PCDHGA10: variants seen among roughly 807,000 people sequenced by gnomAD.
PCDHGA10 encodes protocadherin gamma-A10.
Under a neutral mutation model 59.5 loss-of-function variants are expected in PCDHGA10, and 42 were observed. The observed-to-expected ratio is 0.71, with a 90% CI of 0.55 to 0.91. The LOEUF is 0.91. Ranked by LOEUF, PCDHGA10 falls within the 40% of genes least tolerant of loss-of-function variation. The probability of loss-of-function intolerance (pLI) is 0.00; values close to 1 mark genes in which losing one functional copy is unlikely to be tolerated. For missense variants in PCDHGA10, 1,111 were observed against 1,198.2 expected, an observed-to-expected ratio of 0.93 and a Z score of 1.07; for synonymous variants, 511 against 517.2, an observed-to-expected ratio of 0.99 and a Z score of 0.16.
chr5:141,490,497 C>G lies in PCDHGA10; in HGVS notation c.2437-4310C>G. The stretch of plus-strand genomic sequence containing the variant: ...CTTTGGACCGGGAGGCCACATCCCA[C>G]TATATCATCGAGCTGCTGGCCAGCG... On this transcript the variant is annotated intron_variant, in intron 1 of 3. Transcript: ENST00000398610. The surrounding 1 kb of genome is among the most constrained non-coding windows in gnomAD (Gnocchi z 5.4). 6.2e-7 allele frequency: 1 copy of G among 1,614,196 alleles called. No individual in the cohort carries two copies. Among genetic ancestry groups the G allele is most frequent in the South Asian group, 1.1e-5 (1 of 91,084 alleles).
At chr5:141,416,115 A>G (rs2095995433) in intron 1 of PCDHGA10, 2 of 155,406 alleles carry the variant, frequency 1.3e-5, no homozygotes, top group East Asian at 1.9e-4. Context: ...TTCAAACTAC[A>G]TTTTATATAT....
At chr5:141,472,980 C>CAAAAAAA (rs60579131) in intron 1 of PCDHGA10, among the ~76,000 whole-genome samples, 1 of 86,102 alleles carries the variant, frequency 1.2e-5, no homozygotes, top group South Asian at 4.3e-4. Flanking sequence ...GAGTGAAACT[C>CAAAAAAA]AAAAAAAAAA....
At chr5:141,495,923 T>G (rs1337381299) in intron 2 of PCDHGA10, among the ~76,000 whole-genome samples, 4 of 152,306 alleles carry the variant, frequency 2.6e-5, no homozygotes, top group South Asian at 2.1e-4. Context: ...TTTCTTTGTC[T>G]CTGTCTCTGG....
chr5:141,465,697 T>C (rs1386528821), intron 1 of PCDHGA10, among the ~76,000 whole-genome samples: 2 of 152,200 alleles, frequency 1.3e-5, no homozygotes, highest in African/African-American at 4.8e-5. Context: ...TGCTTTTGCA[T>C]TGGTCAAATG....
At chr5:141,433,765 A>G (rs1389737053) in intron 1 of PCDHGA10, among the ~76,000 whole-genome samples, 1 of 148,692 alleles carries the variant, frequency 6.7e-6, no homozygotes, top group Non-Finnish European at 1.5e-5. Flanking sequence ...TTAACCTGGG[A>G]GGTGGAGGTT....
chr5:141,432,191 G>C lies in PCDHGA10; in HGVS notation c.2436+16580G>C. 2.5e-6 allele frequency: 4 copies of C among 1,614,110 alleles called. No individual in the cohort carries two copies. Among genetic ancestry groups the C allele is most frequent in the Non-Finnish European group, 3.4e-6 (4 of 1,180,026 alleles). On this transcript the variant is annotated intron_variant, in intron 1 of 3. Coordinates refer to ENST00000398610, the MANE Select transcript of PCDHGA10 (RefSeq NM_018913.3). The surrounding 1 kb of genome is among the most constrained non-coding windows in gnomAD (Gnocchi z 6.0). ...TTCCCTCGTCTCTGTGACCGCCCAC[G>C]ACCCCGACTGTGAAGAGAACGCCCA... is the stretch of plus-strand genomic sequence containing the variant.
intron 1 of PCDHGA10, among the ~76,000 whole-genome samples, chr5:141,450,313 T>G (rs2098676929): frequency 6.6e-6 from 1 of 152,172 alleles, no homozygotes; most frequent in Middle Eastern, 3.4e-3. Context: ...ATGTGTGGCC[T>G]AGTTGCCATG....
chr5:141,448,818 G>A (rs2098609016), intron 1 of PCDHGA10, among the ~76,000 whole-genome samples: 1 of 151,984 alleles, frequency 6.6e-6, no homozygotes, highest in Admixed American at 6.6e-5. Context: ...GATGGCGGGC[G>A]CCTGTAGTCC....
chr5:141,468,681 A>G (rs1415798588), intron 1 of PCDHGA10: 1 of 151,830 alleles, frequency 6.6e-6, no homozygotes, highest in African/African-American at 2.4e-5. Flanking sequence ...CCTGGCTAAC[A>G]CGGTGAAACC....
intron 2 of PCDHGA10, among the ~76,000 whole-genome samples, chr5:141,501,061 G>T (rs746369272): frequency 1.5e-4 from 23 of 152,118 alleles, no homozygotes; most frequent in Non-Finnish European, 2.1e-4. Flanking sequence ...TAGAGACGGG[G>T]TTTCACCATG....
At chr5:141,447,829 T>A (rs2098552664) in intron 1 of PCDHGA10, among the ~76,000 whole-genome samples, 1 of 152,214 alleles carries the variant, frequency 6.6e-6, no homozygotes. Context: ...CTCACGCCTG[T>A]AATCCCAGTG....
rs548074156 is a variant in PCDHGA10 at position 141,511,069 on chromosome 5, G to A, written c.2707G>A (p.Gly903Ser). The A allele has an allele frequency of 6.2e-7, 1 of 1,614,230 alleles. No individual in the cohort carries two copies. Among genetic ancestry groups the A allele is most frequent in the Non-Finnish European group, 8.5e-7 (1 of 1,180,034 alleles). ...CTACCGCCAGAATGTCTACATCCCA[G>A]GCAGCAATGCCACACTGACCAACGC... ...PDYRQNVYIP[G>S]SNATLTNAAG... The change falls in exon 4 of 4, where the codon GGC becomes AGC. Residue 903 changes from glycine (G) to serine (S), a missense_variant. Physicochemically the swap from Gly to Ser is moderately conservative, Grantham distance 56 (BLOSUM62 0). Transcript: ENST00000398610.
At chr5:141,464,422 TATAG>T (rs2099083887) in intron 1 of PCDHGA10, among the ~76,000 whole-genome samples, 1 of 151,672 alleles carries the variant, frequency 6.6e-6, no homozygotes, top group African/African-American at 2.4e-5. Context: ...TATCTATATA[TATAG>T]ATATATATGT....
Position 141,503,868 on chromosome 5 carries a change from G to A in PCDHGA10, c.2496-1525G>A, listed in dbSNP as rs928240898. Among the ~76,000 whole-genome samples, 24 of 152,202 alleles carry A rather than the reference G, an allele frequency of 1.6e-4. No individual in the cohort carries two copies. The South Asian group carries it at 4.1e-3, about 26-fold the overall frequency. ...TTGGAAAAATTGTAAAGCAGTTCTT[G>A]GTTGTGCTCACCCACCATGACAAAA... On this transcript the variant is annotated intron_variant, in intron 2 of 3. Coordinates refer to ENST00000398610, the MANE Select transcript of PCDHGA10 (RefSeq NM_018913.3).
At position 141,431,123 on chromosome 5, in the gene PCDHGA10, GAAGT is replaced by G. The variant is rs751548736; in HGVS notation, c.2436+15516_2436+15519del. The G allele has an allele frequency of 1.2e-6, 2 of 1,614,100 alleles. No individual in the cohort carries two copies. The highest frequency in any genetic ancestry group is 3.3e-5 in the Admixed American group (2 of 60,014). On this transcript the variant is annotated intron_variant, in intron 1 of 3. Transcript: ENST00000398610. This position sits in a 1 kb window ranked among gnomAD's most constrained non-coding sequence, Gnocchi z 4.8. ...AGTGAAAATATATGGAGTAGAAGTA[GAAGT>G]AAGGGACATTAACGACAATGCGCCT... is the stretch of plus-strand genomic sequence containing the variant.
intron 3 of PCDHGA10, among the ~76,000 whole-genome samples, chr5:141,509,745 T>C (rs1456852988): frequency 6.6e-6 from 1 of 152,186 alleles, no homozygotes; most frequent in East Asian, 1.9e-4. Context: ...TCTGAGCCTG[T>C]GCCTAAAGTG....
intron 1 of PCDHGA10, chr5:141,419,727 C>G (rs1344063538): frequency 6.2e-7 from 1 of 1,613,582 alleles, no homozygotes; most frequent in Admixed American, 1.7e-5. Flanking sequence ...GGGCTGCGAA[C>G]AGGCGAGGTG....
intron 1 of PCDHGA10, chr5:141,478,142 G>A: frequency 3.7e-6 from 6 of 1,613,988 alleles, no homozygotes; most frequent in Non-Finnish European, 4.2e-6. Flanking sequence ...AGCCCGAGCC[G>A]AGTTCCCCTC....
chr5:141,489,253 A>T lies in PCDHGA10; in HGVS notation c.2437-5554A>T. 1 of 1,547,506 alleles carries T rather than the reference A, an allele frequency of 6.5e-7. No individual in the cohort carries two copies. The highest frequency in any genetic ancestry group is 2.3e-5 in the East Asian group (1 of 44,418). ...GGACTTCTGGGTCATGGGGCCCAAG[A>T]CACTCCCACAGCTCGCTGGGAAATG... On this transcript the variant is annotated intron_variant, in intron 1 of 3. Coordinates refer to ENST00000398610, the MANE Select transcript of PCDHGA10 (RefSeq NM_018913.3). This position sits in a 1 kb window ranked among gnomAD's most constrained non-coding sequence, Gnocchi z 4.5.
Sources: allele counts gnomAD v4.1 joint callset (sites outside exome capture counted in the v4.1 genomes callset), GRCh38; gene constraint gnomAD v4.1.1; non-coding constraint Gnocchi (gnomAD v3.1); transcripts MANE v1.5; gene names NCBI Gene and HGNC (gene_info 2026-07-23, HGNC 2026-07-21).